The following AACS variants were observed in gnomAD, a reference collection of about 807,000 sequenced individuals.
The protein encoded by AACS is acetoacetate-CoA ligase.
A neutral mutation model predicts 83.1 loss-of-function variants in AACS; 69 were observed. The observed-to-expected ratio is 0.83, with a 90% CI of 0.68 to 1.01. The LOEUF (loss-of-function observed/expected upper bound fraction) is 1.01, where lower values mean the gene tolerates loss of function less well. Among genes scored for constraint, AACS ranks in the 50% least tolerant of loss-of-function variants. The pLI, the probability that AACS is intolerant of heterozygous loss-of-function variation, is 0.00. For synonymous variants in AACS, 333 were observed against 343.4 expected, an observed-to-expected ratio of 0.97 and a Z score of 0.33; for missense variants, 866 against 882.2, an observed-to-expected ratio of 0.98 and a Z score of 0.23.
At chr12:125,095,598 G>C (rs891775043) in intron 5 of AACS, among the ~76,000 whole-genome samples, 3 of 152,116 alleles carry the variant, frequency 2.0e-5, no homozygotes, top group African/African-American at 4.8e-5. Context: ...CCTGCCCCTG[G>C]GTGTTGATCT....
At chr12:125,076,668 G>T in intron 3 of AACS, 57 bp downstream of exon 3, 1 of 1,604,370 alleles carries the variant, frequency 6.2e-7, no homozygotes, top group Non-Finnish European at 8.5e-7. Flanking sequence ...GATGGTGCAT[G>T]CATGCGGTGC....
intron 9 of AACS, among the ~76,000 whole-genome samples, chr12:125,115,464 G>A (rs1165493872): frequency 6.6e-6 from 1 of 152,160 alleles, no homozygotes; most frequent in East Asian, 1.9e-4. Context: ...GTTTCACCAT[G>A]TTGAGCAGGC....
intron 10 of AACS, chr12:125,120,272 C>A (rs900158773): frequency 6.6e-6 from 1 of 152,104 alleles, no homozygotes; most frequent in Non-Finnish European, 1.5e-5. Flanking sequence ...TCTTGGTCAC[C>A]CTTGGCCTAA....
chr12:125,092,315 G>C (rs924044082), intron 5 of AACS, among the ~76,000 whole-genome samples: 1 of 152,260 alleles, frequency 6.6e-6, no homozygotes, highest in Non-Finnish European at 1.5e-5. Flanking sequence ...TGTGCCGTCC[G>C]TCAGTCAGCA....
chr12:125,136,824 G>A lies in AACS; in HGVS notation c.1841G>A (p.Arg614Gln), dbSNP rs759218519. 1.9e-6 allele frequency: 3 copies of A among 1,613,794 alleles called. No individual in the cohort carries two copies. Among genetic ancestry groups the A allele is most frequent in the Admixed American group, 1.7e-5 (1 of 60,028 alleles). Residue 614 changes from arginine to glutamine, a missense_variant, in exon 17 of 18, where the codon CGA becomes CAA. Transcript: ENST00000316519. The stretch of plus-strand genomic sequence containing the variant: ...GCCATCCGCATGGGCTTGTCTGCGC[G>A]ACACGTGCCCAGCCTCATCCTGGAA... ...RDAIRMGLSA[R>Q]HVPSLILETK... is the part of the protein sequence containing the mutation.
chr12:125,098,974 C>T (rs1317535245), intron 5 of AACS, among the ~76,000 whole-genome samples: 1 of 152,138 alleles, frequency 6.6e-6, no homozygotes, highest in African/African-American at 2.4e-5. Context: ...TGCAGGTGGG[C>T]TGGGGGTGGG....
chr12:125,099,039 G>A (rs1340477817), intron 5 of AACS, among the ~76,000 whole-genome samples: 1 of 152,246 alleles, frequency 6.6e-6, no homozygotes, highest in Admixed American at 6.5e-5. Context: ...AGTGCGAAAT[G>A]TGCCGTCAGG....
In AACS at chr12:125,103,022, G is replaced by A. The variant is rs1385209090; in HGVS notation, c.708G>A (p.Val236=). The change falls in exon 7 of 18, where the codon GTG becomes GTA. Residue 236 remains valine (V), a synonymous_variant. Coordinates refer to ENST00000316519, the MANE Select transcript of AACS (RefSeq NM_023928.5). The part of the protein sequence containing the change: ...VVKGLPDLKK[V]VVIPYVSSRE... ...CAGGCCTACCAGACTTGAAGAAAGT[G>A]GTGGTGATTCCTTATGTGTCCTCCA... The A allele has an allele frequency of 6.2e-6, 10 of 1,613,934 alleles. No individual in the cohort carries two copies. Among genetic ancestry groups the A allele is most frequent in the Admixed American group, 1.7e-5 (1 of 59,984 alleles).
In AACS at chr12:125,070,692, C is replaced by T. The variant is rs138725185; in HGVS notation, c.134-3184C>T. On this transcript the variant is annotated intron_variant, in intron 1 of 17. Coordinates refer to ENST00000316519, the MANE Select transcript of AACS (RefSeq NM_023928.5). ...TCTCTGTATGTCGGGCTCCATCTGG[C>T]ACCTGATATGTATCAACTAATGTAA... is the stretch of plus-strand genomic sequence containing the variant. 4.6e-5 allele frequency among the ~76,000 whole-genome samples: 7 copies of T among 152,274 alleles called. No homozygotes were observed. In the East Asian group the frequency reaches 1.2e-3, roughly 25 times the overall value.
chr12:125,113,628 GC>G lies in AACS; in HGVS notation c.916-847del. 2.0e-5 allele frequency among the ~76,000 whole-genome samples: 3 copies of G among 152,348 alleles called. No individual in the cohort carries two copies. In the South Asian group the frequency reaches 6.2e-4, roughly 32 times the overall value. ...ACAGACATGAGGGAGCTCCCGGCAT[GC>G]CAAGGAAGAGCTCCCAGGTGTGCTG... On this transcript the variant is annotated intron_variant, in intron 8 of 17. Transcript: ENST00000316519. The surrounding 1 kb of genome is among the most constrained non-coding windows in gnomAD (Gnocchi z 4.8).
chr12:125,091,751 G>C (rs529349043), intron 5 of AACS, among the ~76,000 whole-genome samples: 28 of 152,352 alleles, frequency 1.8e-4, no homozygotes, highest in Non-Finnish European at 2.4e-4. Context: ...CATCGAAGAC[G>C]TGGGCAGGTG....
intron 4 of AACS, among the ~76,000 whole-genome samples, 195 bp downstream of exon 4, chr12:125,086,638 G>A (rs751603511): frequency 5.9e-5 from 9 of 152,204 alleles, no homozygotes; most frequent in Non-Finnish European, 1.2e-4. Flanking sequence ...CTCTGCGAAG[G>A]CAGGAATTTG....
rs995253411 is a variant in AACS at position 125,102,563 on chromosome 12, C to G, written c.571-116C>G. ...CACTCCAACCTTGAACTCCTGGGCT[C>G]AAGCAATCCTCCCACCTCAGCCTCC... On this transcript the variant is annotated intron_variant, in intron 5 of 17. Coordinates refer to ENST00000316519, the MANE Select transcript of AACS (RefSeq NM_023928.5). 1.4e-5 allele frequency: 12 copies of G among 854,828 alleles called. No homozygotes were observed. In the African/African-American group the frequency reaches 1.8e-4, roughly 13 times the overall value. 53.0% of individuals were successfully genotyped at this position (854,828 alleles called of 1,614,324 possible).
At position 125,080,102 on chromosome 12, in the gene AACS, C is replaced by T. The variant is rs78668409; in HGVS notation, c.358+3491C>T. ...CCACATTTCGTTGATCCCTAAGAGG[C>T]TCCTGTGAGACTGGCCTGCCTCAGG... On this transcript the variant is annotated intron_variant, in intron 3 of 17. Transcript: ENST00000316519. 9.9e-3 allele frequency among the ~76,000 whole-genome samples: 1,513 copies of T among 152,326 alleles called. 12 individuals are homozygous for T. The highest frequency in any genetic ancestry group is 0.048 in the Middle Eastern group (14 of 294).
intron 5 of AACS, among the ~76,000 whole-genome samples, chr12:125,095,072 T>C (rs1306583450): frequency 6.6e-6 from 1 of 152,026 alleles, no homozygotes; most frequent in African/African-American, 2.4e-5. Flanking sequence ...TGGGTGGCTG[T>C]CACCATGATT....
intron 16 of AACS, chr12:125,136,021 C>T (rs145453561): frequency 0.037 from 5,631 of 152,672 alleles, 315 homozygotes; most frequent in African/African-American, 0.12. Context: ...GCTGGAATTA[C>T]AGGTGTGAGC....
intron 8 of AACS, 84 bp from the exon 9 acceptor site, chr12:125,114,393 C>A: frequency 8.8e-7 from 1 of 1,134,110 alleles, no homozygotes; most frequent in South Asian, 1.4e-5. Flanking sequence ...CTGGCAGCGT[C>A]TGAGCAGCGC....
intron 3 of AACS, chr12:125,078,085 T>C (rs1217144579): frequency 4.4e-6 from 2 of 450,446 alleles, no homozygotes; most frequent in Admixed American, 2.4e-5. Flanking sequence ...GAAACTTCAC[T>C]CACTCCCTAG....
intron 4 of AACS, among the ~76,000 whole-genome samples, chr12:125,086,655 T>A (rs943327854): frequency 2.0e-5 from 3 of 152,248 alleles, no homozygotes; most frequent in African/African-American, 7.2e-5. Flanking sequence ...TTTGCTTTGC[T>A]TTGTTCCCTG....
Sources: allele counts gnomAD v4.1 joint callset (sites outside exome capture counted in the v4.1 genomes callset), GRCh38; gene constraint gnomAD v4.1.1; non-coding constraint Gnocchi (gnomAD v3.1); transcripts MANE v1.5; gene names NCBI Gene and HGNC (gene_info 2026-07-23, HGNC 2026-07-21).